Variants in SELENON observed in about 807,000 individuals in gnomAD.
The protein encoded by SELENON is selenoprotein N, 1.
Under a neutral mutation model 59.5 loss-of-function variants are expected in SELENON, and 44 were observed. That is an observed-to-expected ratio of 0.74 (90% CI 0.58 to 0.95). The LOEUF (loss-of-function observed/expected upper bound fraction) is 0.95. SELENON is among the 40% of genes least tolerant of loss of function. The pLI, the probability that SELENON is intolerant of heterozygous loss-of-function variation, is 0.00. For synonymous variants in SELENON, 320 were observed against 305.6 expected (o/e 1.05, Z -0.49); for missense variants, 674 against 721.4 (o/e 0.93, Z 0.75).
At chr1:25,813,341 C>T (rs888019781) in intron 10 of SELENON, among the ~76,000 whole-genome samples, 1 of 152,144 alleles carries the variant, frequency 6.6e-6, no homozygotes, top group African/African-American at 2.4e-5. Context: ...GTGCTTGCGT[C>T]CCACAGTGAG....
chr1:25,814,991 C>G (rs1168964106), intron 12 of SELENON, among the ~76,000 whole-genome samples: 1 of 152,018 alleles, frequency 6.6e-6, no homozygotes, highest in Non-Finnish European at 1.5e-5. Context: ...GAGATGGTGT[C>G]GGGGAACTGG....
chr1:25,808,395 G>A (rs2047926778), intron 4 of SELENON, among the ~76,000 whole-genome samples, 185 bp from the exon 4 acceptor site: 1 of 152,026 alleles, frequency 6.6e-6, no homozygotes, highest in Admixed American at 6.5e-5. Flanking sequence ...GCAGGGAGAG[G>A]AGCCTCTCTC....
At chr1:25,809,423 G>A (rs548037369) in intron 6 of SELENON, among the ~76,000 whole-genome samples, 2 of 152,364 alleles carry the variant, frequency 1.3e-5, no homozygotes, top group East Asian at 1.9e-4. Context: ...ACACAGAAGT[G>A]GGAAGGACAC....
intron 7 of SELENON, among the ~76,000 whole-genome samples, 189 bp from the exon 7 acceptor site, chr1:25,811,265 C>A (rs1302814983): frequency 1.3e-5 from 2 of 152,210 alleles, no homozygotes; most frequent in Admixed American, 1.3e-4. Flanking sequence ...TAGGAAGGGG[C>A]AGCCTGGTGG....
At chr1:25,814,272 T>A in intron 12 of SELENON, 94 bp downstream of exon 11, 1 of 918,042 alleles carries the variant, frequency 1.1e-6, no homozygotes, top group Non-Finnish European at 1.7e-6. Context: ...TTCATCAGGC[T>A]TCGGGACTGT....
Position 25,807,139 on chromosome 1 carries a change from G to A in SELENON, c.538-1441G>A, listed in dbSNP as rs927748506. Among the ~76,000 whole-genome samples, 10 of 152,068 alleles carry A rather than the reference G, an allele frequency of 6.6e-5. No homozygotes were observed. Among genetic ancestry groups the A allele is most frequent in the Non-Finnish European group, 7.4e-5 (5 of 68,004 alleles). On this transcript the variant is annotated intron_variant, in intron 4 of 12. Transcript: ENST00000361547. This position sits in a 1 kb window ranked among gnomAD's most constrained non-coding sequence, Gnocchi z 4.5. Reference sequence around the variant, plus strand: ...CAGGTGTGAGCCACCATGCCCGGCCGGGAGCCCCTTTCTTAACCTCATCGC... The same window carrying A: ...CAGGTGTGAGCCACCATGCCCGGCCAGGAGCCCCTTTCTTAACCTCATCGC...
At chr1:25,814,807 A>T (rs1221548867) in intron 12 of SELENON, among the ~76,000 whole-genome samples, 1 of 152,106 alleles carries the variant, frequency 6.6e-6, no homozygotes, top group Non-Finnish European at 1.5e-5. Flanking sequence ...TTAAGTCCCA[A>T]GGCATGGTTA....
chr1:25,804,859 A>G (rs2047891984), intron 3 of SELENON, among the ~76,000 whole-genome samples: 1 of 152,082 alleles, frequency 6.6e-6, no homozygotes, highest in African/African-American at 2.4e-5. Context: ...CTGGGTTTCA[A>G]TCCCGATTCC....
intron 12 of SELENON, among the ~76,000 whole-genome samples, chr1:25,815,261 T>G (rs2048000642): frequency 6.7e-6 from 1 of 149,074 alleles, no homozygotes; most frequent in African/African-American, 2.5e-5. Context: ...AGGAGAGGGG[T>G]CATTTCGGGG....
At chr1:25,810,648 G>A (rs550162427) in intron 7 of SELENON, among the ~76,000 whole-genome samples, 2 of 152,342 alleles carry the variant, frequency 1.3e-5, no homozygotes, top group East Asian at 3.9e-4. Context: ...CCACAGGGCA[G>A]GCGTGAGAGG....
chr1:25,809,681 A>G lies in SELENON; in HGVS notation c.873-2A>G, dbSNP rs1176143542. ...TGGTGCAGCAGATCCCCTTCCCCAC[A>G]GGATCCATGCCGAGTTCCAGCTCAG... On this transcript the variant is annotated splice_acceptor_variant, in intron 6 of 12. Coordinates refer to ENST00000361547, the MANE Select transcript of SELENON (RefSeq NM_020451.3). LOFTEE classifies it high-confidence loss of function. 1.9e-6 allele frequency: 3 copies of G among 1,613,812 alleles called. No individual in the cohort carries two copies. In the Admixed American group the frequency reaches 5.0e-5, roughly 27 times the overall value.
In SELENON at chr1:25,816,946, T is replaced by C. The variant is rs1440398462; in HGVS notation, c.*1228T>C. 6.6e-6 allele frequency: 1 copy of C among 152,200 alleles called. No homozygotes were observed. Among genetic ancestry groups the C allele is most frequent in the East Asian group, 1.9e-4 (1 of 5,176 alleles). 9.4% of individuals were successfully genotyped at this position (152,200 alleles called of 1,614,324 possible). ...CTTTTTAAAAACAGTCCTCAGAGGA[T>C]CCATGATCCCCAGCACTGTCCCATC... On this transcript the variant is annotated 3_prime_UTR_variant, in exon 13 of 13. Transcript: ENST00000361547.
chr1:25,806,264 A>G (rs1234919635), intron 4 of SELENON, among the ~76,000 whole-genome samples: 1 of 152,180 alleles, frequency 6.6e-6, no homozygotes, highest in African/African-American at 2.4e-5. Context: ...GCCAGACCCC[A>G]CCAAGGGCTT....
intron 2 of SELENON, among the ~76,000 whole-genome samples, chr1:25,801,589 G>A (rs566915862): frequency 6.6e-6 from 1 of 152,290 alleles, no homozygotes; most frequent in South Asian, 2.1e-4. Flanking sequence ...GAGGCCATGA[G>A]GCAGAGGTTG....
chr1:25,808,907 C>T (rs560771832), intron 5 of SELENON, 118 bp downstream of exon 4: 1 of 1,576,562 alleles, frequency 6.3e-7, no homozygotes, highest in African/African-American at 1.3e-5. Flanking sequence ...CTGCCTTCCT[C>T]TGGACCTGCC....
chr1:25,811,622 C>G (rs2047960485), intron 8 of SELENON, 69 bp from the exon 8 acceptor site: 1 of 1,604,960 alleles, frequency 6.2e-7, no homozygotes, highest in Non-Finnish European at 8.5e-7. Flanking sequence ...TTTGGAGGGT[C>G]TCTAGGGGAG....
chr1:25,811,717 T>A lies in SELENON; in HGVS notation c.1119T>A (p.Ser373=). ...TGGAGCTGGAGGCCACGGGCCCCTC[T>A]GTGCCCTCCGTGATCCTGGATGAGG... The change falls in exon 9 of 13, where the codon TCT becomes TCA. Residue 373 remains serine (S), a synonymous_variant. Transcript: ENST00000361547. 1 of 1,608,142 alleles carries A rather than the reference T, an allele frequency of 6.2e-7. No homozygotes were observed. The highest frequency in any genetic ancestry group is 8.5e-7 in the Non-Finnish European group (1 of 1,177,586).
In SELENON at chr1:25,811,542, G is replaced by A. The variant is rs367908571; in HGVS notation, c.1092+7G>A. ...CATCGGCTACATACCCCAGGTGAGC[G>A]CACAGGAGGCTCCCATCCAGGTGGG... On this transcript the variant is annotated splice_region_variant and intron_variant, in intron 8 of 12. Coordinates refer to ENST00000361547, the MANE Select transcript of SELENON (RefSeq NM_020451.3). 3.5e-5 allele frequency: 57 copies of A among 1,613,496 alleles called. No homozygotes were observed. The highest frequency in any genetic ancestry group is 2.0e-4 in the Admixed American group (12 of 60,002).
Position 25,807,663 on chromosome 1 carries a change from G to A in SELENON, c.538-917G>A, listed in dbSNP as rs567053017. Among the ~76,000 whole-genome samples the A allele has an allele frequency of 1.3e-5, 2 of 152,318 alleles. No homozygotes were observed. Among genetic ancestry groups the A allele is most frequent in the South Asian group, 4.1e-4 (2 of 4,826 alleles). ...GGCGGGCTCGGCCTGGCCCGGCACA[G>A]CCAGCTCTGCCTTGAGAACCGCCTG... On this transcript the variant is annotated intron_variant, in intron 4 of 12. Coordinates refer to ENST00000361547, the MANE Select transcript of SELENON (RefSeq NM_020451.3). The surrounding 1 kb of genome is among the most constrained non-coding windows in gnomAD (Gnocchi z 4.5).
Sources: gnomAD v4.1 joint callset for allele counts (sites outside exome capture counted in the v4.1 genomes callset) on GRCh38, gnomAD v4.1.1 for gene constraint, Gnocchi (gnomAD v3.1) non-coding constraint, MANE v1.5 for transcripts, NCBI Gene and HGNC (gene_info 2026-07-23, HGNC 2026-07-21) for gene names.